Variants in ZMYM6 observed in about 807,000 individuals in gnomAD.
ZMYM6 encodes the protein zinc finger MYM-type protein 6.
ZMYM6 carries 90 observed loss-of-function variants against 134.0 expected under a neutral mutation model. The observed-to-expected ratio is 0.67, with a 90% CI of 0.57 to 0.80. ZMYM6 has a LOEUF of 0.80. ZMYM6 is among the 30% of genes least tolerant of loss of function. ZMYM6 has a pLI of 0.00. For synonymous variants in ZMYM6, 481 were observed against 524.1 expected (o/e 0.92, Z 1.12); for missense variants, 1,362 against 1,533.9 (o/e 0.89, Z 1.87).
Position 34,987,226 on chromosome 1 carries a change from C to T in ZMYM6, c.3856G>A (p.Ala1286Thr), listed in dbSNP as rs761978605. ...LPFSTVYLCD[A>T]AFSALTESKQ... ...GACTCAGTCAAAGCTGAAAAGGCAG[C>T]ATCACATAAATAAACAGTTGAAAAG... The change falls in exon 16 of 16, where the codon GCT becomes ACT. Residue 1286 changes from alanine (A) to threonine (T), a missense_variant. This residue lies in a region of ZMYM6 where 824 missense variants were observed against 940.9 expected (regional missense o/e 0.88). Coordinates refer to ENST00000357182, the MANE Select transcript of ZMYM6 (RefSeq NM_007167.4). 6.2e-7 allele frequency: 1 copy of T among 1,613,824 alleles called. No homozygotes were observed. The highest frequency in any genetic ancestry group is 8.5e-7 in the Non-Finnish European group (1 of 1,179,914).
At chr1:35,018,917 A>G (rs1227049226) in intron 4 of ZMYM6, 1 of 187,174 alleles carries the variant, frequency 5.3e-6, no homozygotes, top group African/African-American at 2.4e-5. Context: ...TGACCCCACA[A>G]GGACATTAGA....
In ZMYM6 at chr1:35,010,049, G is replaced by A. The variant is rs1222079939; in HGVS notation, c.1492+398C>T. Among the ~76,000 whole-genome samples the A allele has an allele frequency of 1.3e-4, 20 of 151,232 alleles. No homozygotes were observed. In the South Asian group the frequency reaches 3.2e-3, roughly 24 times the overall value. ...TTTGGAGACAAGAGTTTCGCTCGTC[G>A]CCCAGGCTGCAGTGCAATGGCATGA... On this transcript the variant is annotated intron_variant, in intron 10 of 15. Coordinates refer to ENST00000357182, the MANE Select transcript of ZMYM6 (RefSeq NM_007167.4).
chr1:35,019,359 C>G lies in ZMYM6; in HGVS notation c.422G>C (p.Cys141Ser), dbSNP rs1374617346. 2 of 1,614,070 alleles carry G rather than the reference C, an allele frequency of 1.2e-6. No individual in the cohort carries two copies. The highest frequency in any genetic ancestry group is 2.2e-5 in the South Asian group (2 of 91,076). The stretch of plus-strand genomic sequence containing the variant: ...GATGTTAAGAATTTTATACTTCGAG[C>G]AGTTTGTGCAGGTTTTCTTGGGAGG... ...PPPPKKTCTN[C>S]SKDILNPKDV... is the part of the protein sequence containing the mutation. The change falls in exon 4 of 16, where the codon TGC (cysteine) becomes TCC (serine). Residue 141 changes from cysteine (C) to serine (S), a missense_variant. Cys to Ser is a moderately radical substitution (Grantham distance 112). This residue lies in a region of ZMYM6 where 503 missense variants were observed against 520.8 expected (regional missense o/e 0.97). Coordinates refer to ENST00000357182, the MANE Select transcript of ZMYM6 (RefSeq NM_007167.4).
chr1:35,013,840 C>T lies in ZMYM6; in HGVS notation c.795+857G>A, dbSNP rs999969316. On this transcript the variant is annotated intron_variant, in intron 6 of 15. Coordinates refer to ENST00000357182, the MANE Select transcript of ZMYM6 (RefSeq NM_007167.4). ...CTGAGTAGCTGGGATTACAGGCGCC[C>T]GCCACCACGCCCAGCTAATTTTTGT... The T allele has an allele frequency of 2.7e-5, 5 of 186,102 alleles. No homozygotes were observed. The South Asian group carries it at 5.5e-4, about 21-fold the overall frequency. 11.5% of individuals were successfully genotyped at this position (186,102 alleles called of 1,614,324 possible).
chr1:35,024,530 C>T (rs1203172444), intron 2 of ZMYM6, among the ~76,000 whole-genome samples: 1 of 152,172 alleles, frequency 6.6e-6, no homozygotes. Flanking sequence ...CCATAAACCC[C>T]AAAACCTGTA....
intron 14 of ZMYM6, among the ~76,000 whole-genome samples, chr1:34,995,173 A>G (rs528505034): frequency 2.5e-4 from 37 of 147,240 alleles, no homozygotes; most frequent in East Asian, 1.2e-3. Context: ...GTATGTGTGT[A>G]TATATATATA....
intron 14 of ZMYM6, among the ~76,000 whole-genome samples, chr1:34,996,742 T>C (rs977748199): frequency 1.5e-4 from 23 of 152,330 alleles, no homozygotes; most frequent in Middle Eastern, 3.4e-3. Flanking sequence ...CTTGTTCAGT[T>C]TTAACTACAG....
intron 2 of ZMYM6, among the ~76,000 whole-genome samples, chr1:35,021,279 T>G (rs540854540): frequency 6.6e-6 from 1 of 151,734 alleles, no homozygotes; most frequent in South Asian, 2.1e-4. Flanking sequence ...TAGCTGGGAA[T>G]ACAGGCTTGC....
intron 4 of ZMYM6, among the ~76,000 whole-genome samples, chr1:35,017,048 A>G (rs1641214576): frequency 6.6e-6 from 1 of 152,070 alleles, no homozygotes. Context: ...GTTAAGTATT[A>G]CTGTAACTGC....
At chr1:35,009,192 A>G (rs971762800) in intron 10 of ZMYM6, among the ~76,000 whole-genome samples, 10 of 152,206 alleles carry the variant, frequency 6.6e-5, no homozygotes, top group African/African-American at 2.4e-4. Flanking sequence ...TCTGCCTCCC[A>G]GGTTCAAACG....
At chr1:35,014,663 G>T in intron 6 of ZMYM6, 34 bp downstream of exon 6, 1 of 1,594,642 alleles carries the variant, frequency 6.3e-7, no homozygotes, top group Non-Finnish European at 8.6e-7. Flanking sequence ...AGAAGGAGTG[G>T]GCCTAAGTAC....
At chr1:35,005,039 C>G in intron 13 of ZMYM6, 93 bp downstream of exon 13, 1 of 1,463,800 alleles carries the variant, frequency 6.8e-7, no homozygotes, top group Non-Finnish European at 9.2e-7. Flanking sequence ...GCCTGGGCAA[C>G]AAGAGTGAAA....
intron 14 of ZMYM6, among the ~76,000 whole-genome samples, chr1:35,000,291 G>C (rs1279763905): frequency 6.7e-6 from 1 of 150,308 alleles, no homozygotes; most frequent in African/African-American, 2.5e-5. Context: ...CCAAGCTGGA[G>C]TGCAGTGGTG....
intron 14 of ZMYM6, among the ~76,000 whole-genome samples, chr1:35,002,845 AAG>A (rs1423802279): frequency 3.3e-5 from 5 of 152,208 alleles, no homozygotes; most frequent in African/African-American, 9.7e-5. Flanking sequence ...GATATAAAAA[AAG>A]AGTTTTAATT....
At chr1:34,995,326 T>C (rs1271230673) in intron 14 of ZMYM6, among the ~76,000 whole-genome samples, 1 of 150,800 alleles carries the variant, frequency 6.6e-6, no homozygotes, top group Non-Finnish European at 1.5e-5. Context: ...TATACACATA[T>C]ACAATATATG....
At chr1:35,005,362 A>C in intron 12 of ZMYM6, 90 bp from the exon 13 acceptor site, 1 of 1,363,862 alleles carries the variant, frequency 7.3e-7, no homozygotes, top group Non-Finnish European at 1.0e-6. Flanking sequence ...CCTGTTTAGT[A>C]ACTAGGTTTT....
chr1:34,997,266 G>C (rs564169673), intron 14 of ZMYM6, among the ~76,000 whole-genome samples: 3 of 152,028 alleles, frequency 2.0e-5, no homozygotes. Flanking sequence ...TTTCCTACTG[G>C]CATTTAAAAT....
In ZMYM6 at chr1:35,030,550, A is replaced by G. The variant is rs1380221634; in HGVS notation, c.90T>C (p.Ala30=). 3 of 1,606,802 alleles carry G rather than the reference A, an allele frequency of 1.9e-6. No individual in the cohort carries two copies. The highest frequency in any genetic ancestry group is 8.5e-7 in the Non-Finnish European group (1 of 1,178,704). Residue 30 remains alanine, a synonymous_variant, in exon 2 of 16, where the codon GCT becomes GCC. Transcript: ENST00000357182. The part of the protein sequence containing the change: ...LDKIKEEPDN[A]QEYGCVQQPK... ...TAAATGAAGATGAAATGCTTACTTGAGCATTGTCTGGTTCTTCTTTAATTT... is the reference window on the plus strand; with the variant it reads ...TAAATGAAGATGAAATGCTTACTTGGGCATTGTCTGGTTCTTCTTTAATTT...
chr1:34,991,606 C>A (rs1336728130), intron 15 of ZMYM6, among the ~76,000 whole-genome samples: 1 of 152,006 alleles, frequency 6.6e-6, no homozygotes, highest in Non-Finnish European at 1.5e-5. Context: ...CCCGTCTCTA[C>A]TAAAAATACA....
Sources: allele counts gnomAD v4.1 joint callset (sites outside exome capture counted in the v4.1 genomes callset), GRCh38; gene constraint gnomAD v4.1.1; regional missense constraint gnomAD v4.1.1; transcripts MANE v1.5; gene names NCBI Gene and HGNC (gene_info 2026-07-23, HGNC 2026-07-21).